Variants in RYR3 observed in about 807,000 individuals in gnomAD.
The protein encoded by RYR3 is brain ryanodine receptor-calcium release channel.
A neutral mutation model predicts 584.3 loss-of-function variants in RYR3; 207 were observed. That is an observed-to-expected ratio of 0.35 (90% CI 0.32 to 0.40). The LOEUF is 0.40. Ranked by LOEUF, RYR3 falls within the 10% of genes least tolerant of loss-of-function variation. The probability of loss-of-function intolerance (pLI) is 1.00; values close to 1 mark genes in which losing one functional copy is unlikely to be tolerated. For synonymous variants in RYR3, 2,416 were observed against 2,248.5 expected, an observed-to-expected ratio of 1.07 and a Z score of -2.11; for missense variants, 5,616 against 6,089.2, an observed-to-expected ratio of 0.92 and a Z score of 2.59.
chr15:33,536,173 A>G (rs183050245), intron 5 of RYR3, among the ~76,000 whole-genome samples: 1 of 152,296 alleles, frequency 6.6e-6, no homozygotes. Context: ...CTTCTGGCTC[A>G]GAAACCCCTT....
intron 16 of RYR3, among the ~76,000 whole-genome samples, chr15:33,588,774 A>G (rs1168635790): frequency 6.6e-6 from 1 of 152,018 alleles, no homozygotes; most frequent in Non-Finnish European, 1.5e-5. Flanking sequence ...TGCTGCAAAA[A>G]TCTGATTTCA....
At chr15:33,537,138 T>C (rs1288832958) in intron 5 of RYR3, among the ~76,000 whole-genome samples, 1 of 152,252 alleles carries the variant, frequency 6.6e-6, no homozygotes, top group Non-Finnish European at 1.5e-5. Context: ...AGTTTTCCAA[T>C]AGTTAATAAC....
At chr15:33,581,697 G>C in intron 14 of RYR3, 54 bp downstream of exon 14, 2 of 1,496,086 alleles carry the variant, frequency 1.3e-6, no homozygotes, top group South Asian at 2.3e-5. Flanking sequence ...GGATTTCCAC[G>C]TGCAATCCCA....
chr15:33,539,888 T>C lies in RYR3; in HGVS notation c.546+426T>C, dbSNP rs1382803044. On this transcript the variant is annotated intron_variant, in intron 6 of 103. Coordinates refer to ENST00000634891, the MANE Select transcript of RYR3 (RefSeq NM_001036.6). ...CCTAAAGATCTTCATCCTTGTCATC[T>C]TCACGTTGAACAGGAGGAAGAGAAG... is the stretch of plus-strand genomic sequence containing the variant. Among the ~76,000 whole-genome samples the C allele has an allele frequency of 2.6e-5, 4 of 152,196 alleles. No homozygotes were observed. In the South Asian group the frequency reaches 8.3e-4, roughly 32 times the overall value.
chr15:33,571,891 CTTTT>C (rs1206215864), intron 12 of RYR3, among the ~76,000 whole-genome samples: 2 of 151,914 alleles, frequency 1.3e-5, no homozygotes, highest in East Asian at 3.9e-4. Context: ...CCCTTACTAC[CTTTT>C]TTTGTGTTAA....
chr15:33,420,117 C>G lies in RYR3; in HGVS notation c.52-53302C>G, dbSNP rs562302031. ...AATTTATCAGACAATAGGTGACTTT[C>G]CACAGCAATTCTTAATGTGTTACCA... On this transcript the variant is annotated intron_variant, in intron 1 of 103. Coordinates refer to ENST00000634891, the MANE Select transcript of RYR3 (RefSeq NM_001036.6). Among the ~76,000 whole-genome samples, 15 of 152,310 alleles carry G rather than the reference C, an allele frequency of 9.8e-5. No individual in the cohort carries two copies. In the South Asian group the frequency reaches 2.9e-3, roughly 29 times the overall value.
chr15:33,772,825 A>G (rs758568269), intron 63 of RYR3, among the ~76,000 whole-genome samples: 4 of 152,180 alleles, frequency 2.6e-5, no homozygotes, highest in African/African-American at 4.8e-5. Flanking sequence ...CTGGAAGAAC[A>G]TCCAAACTCA....
chr15:33,359,370 C>T (rs911207976), intron 1 of RYR3, among the ~76,000 whole-genome samples: 3 of 152,120 alleles, frequency 2.0e-5, no homozygotes, highest in Admixed American at 1.3e-4. Flanking sequence ...CTTTATTTTC[C>T]CGACTCTTCA....
At chr15:33,382,846 T>C (rs897737117) in intron 1 of RYR3, among the ~76,000 whole-genome samples, 1 of 152,162 alleles carries the variant, frequency 6.6e-6, no homozygotes, top group Non-Finnish European at 1.5e-5. Context: ...AACTTACATT[T>C]CATGAAAATG....
intron 21 of RYR3, among the ~76,000 whole-genome samples, 178 bp downstream of exon 21, chr15:33,628,753 A>G (rs2061125337): frequency 6.6e-6 from 1 of 152,120 alleles, no homozygotes; most frequent in South Asian, 2.1e-4. Flanking sequence ...ATACTGGTTT[A>G]TTTTATTCGG....
chr15:33,742,472 G>A lies in RYR3; in HGVS notation c.7899+28G>A, dbSNP rs368987173. 1.8e-5 allele frequency: 27 copies of A among 1,478,660 alleles called. No homozygotes were observed. The East Asian group carries it at 2.7e-4, about 15-fold the overall frequency. 91.6% of individuals were successfully genotyped at this position (1,478,660 alleles called of 1,614,324 possible). On this transcript the variant is annotated intron_variant, in intron 52 of 103. Coordinates refer to ENST00000634891, the MANE Select transcript of RYR3 (RefSeq NM_001036.6). The stretch of plus-strand genomic sequence containing the variant: ...AGGGATTATCATCCAACTGACAATC[G>A]TCAGGAAGGAAAAACAGCCCAAGAA...
intron 46 of RYR3, among the ~76,000 whole-genome samples, chr15:33,727,085 C>T (rs749214355): frequency 1.1e-4 from 17 of 152,230 alleles, no homozygotes; most frequent in Non-Finnish European, 2.4e-4. Context: ...CCTCCCTTCT[C>T]GTTTTCCCCT....
At chr15:33,554,291 CTTTTTTTT>C (rs71117147) in intron 10 of RYR3, among the ~76,000 whole-genome samples, 5 of 126,518 alleles carry the variant, frequency 4.0e-5, no homozygotes, top group Non-Finnish European at 4.9e-5. Flanking sequence ...CCTCCATTAT[CTTTTTTTT>C]TTTTTTTTTT....
At chr15:33,690,454 A>T (rs563203778) in intron 38 of RYR3, among the ~76,000 whole-genome samples, 14 of 152,164 alleles carry the variant, frequency 9.2e-5, no homozygotes, top group African/African-American at 3.1e-4. Flanking sequence ...GAGGTGTCTT[A>T]CTCTTCTTAT....
intron 1 of RYR3, among the ~76,000 whole-genome samples, chr15:33,394,373 A>G (rs544556144): frequency 6.6e-6 from 1 of 152,318 alleles, no homozygotes; most frequent in Non-Finnish European, 1.5e-5. Context: ...AAGCAGAAAA[A>G]TCGGAGTATG....
chr15:33,612,024 CAA>C lies in RYR3; in HGVS notation c.2165-1158_2165-1157del, dbSNP rs1217409234. ...ACATATTATTTCTGTAATCAAGAAACAAGATATCTTTTTATCTTTTGCTGGAA... is the reference window on the plus strand; with the variant it reads ...ACATATTATTTCTGTAATCAAGAAACGATATCTTTTTATCTTTTGCTGGAA... On this transcript the variant is annotated intron_variant, in intron 18 of 103. Coordinates refer to ENST00000634891, the MANE Select transcript of RYR3 (RefSeq NM_001036.6). Among the ~76,000 whole-genome samples, 3 of 152,266 alleles carry C rather than the reference CAA, an allele frequency of 2.0e-5. No homozygotes were observed. The East Asian group carries it at 5.8e-4, about 29-fold the overall frequency.
intron 18 of RYR3, among the ~76,000 whole-genome samples, chr15:33,606,524 A>C (rs2059913908): frequency 6.6e-6 from 1 of 152,200 alleles, no homozygotes; most frequent in Non-Finnish European, 1.5e-5. Context: ...AAGCAGCCTT[A>C]ATAGGCCTTT....
chr15:33,709,619 G>A (rs2066951787), intron 43 of RYR3, among the ~76,000 whole-genome samples: 1 of 152,164 alleles, frequency 6.6e-6, no homozygotes, highest in Admixed American at 6.5e-5. Context: ...TTGCTTTCTT[G>A]TGCACACTCT....
At chr15:33,641,359 A>G (rs1772562142) in intron 27 of RYR3, among the ~76,000 whole-genome samples, 2 of 152,224 alleles carry the variant, frequency 1.3e-5, no homozygotes, top group African/African-American at 4.8e-5. Context: ...AATGAGATGT[A>G]TCTGTAGAGC....
Sources: gnomAD v4.1 joint callset for allele counts (sites outside exome capture counted in the v4.1 genomes callset) on GRCh38, gnomAD v4.1.1 for gene constraint, MANE v1.5 for transcripts, NCBI Gene and HGNC (gene_info 2026-07-23, HGNC 2026-07-21) for gene names.